The following ANO4 variants were observed in gnomAD, a reference collection of about 807,000 sequenced individuals.
ANO4 encodes anoctamin-4.
In ANO4, 69 loss-of-function variants were observed where a neutral mutation model predicts 141.9. The observed-to-expected ratio is 0.49, with a 90% CI of 0.40 to 0.59. The LOEUF is 0.59. Ranked by LOEUF, ANO4 falls within the 20% of genes least tolerant of loss-of-function variation. The pLI, the probability that ANO4 is intolerant of heterozygous loss-of-function variation, is 0.00. For missense variants in ANO4, 894 were observed against 1,162.2 expected (o/e 0.77, Z 3.36); for synonymous variants, 350 against 394.3 (o/e 0.89, Z 1.33).
intron 21 of ANO4, 121 bp from the exon 22 acceptor site, chr12:101,099,457 T>C (rs1193119771): frequency 1.3e-5 from 12 of 925,552 alleles, no homozygotes; most frequent in Non-Finnish European, 1.9e-5. Context: ...GCTTTATTTC[T>C]TTGATAGCCT....
At chr12:100,900,407 A>G (rs529468052) in intron 1 of ANO4, among the ~76,000 whole-genome samples, 3 of 151,186 alleles carry the variant, frequency 2.0e-5, no homozygotes, top group African/African-American at 7.3e-5. Flanking sequence ...GCACTCATTA[A>G]CTCGTCATTT....
rs116875365 is a variant in ANO4, at chr12:100,937,125, T to C, written c.161-2190T>C. Among the ~76,000 whole-genome samples the C allele has an allele frequency of 3.9e-3, 589 of 152,218 alleles. 2 individuals carry two copies. The highest frequency in any genetic ancestry group is 5.0e-3 in the Non-Finnish European group (337 of 68,008). ...AACCATATGCCAAGTCCCAGAACCA[T>C]AGAATGTTAGAGGAAAAGGGCTCTC... is the stretch of plus-strand genomic sequence containing the variant. On this transcript the variant is annotated intron_variant, in intron 3 of 27. Transcript: ENST00000392977.
chr12:100,877,354 A>G (rs1424960730), intron 1 of ANO4, among the ~76,000 whole-genome samples: 6 of 151,114 alleles, frequency 4.0e-5, no homozygotes, highest in African/African-American at 1.5e-4. Context: ...ATAATATATG[A>G]TATTATATAT....
chr12:101,022,695 G>A (rs1331264519), intron 9 of ANO4, among the ~76,000 whole-genome samples: 2 of 152,068 alleles, frequency 1.3e-5, no homozygotes, highest in African/African-American at 4.8e-5. Context: ...AACTCCAAAT[G>A]GCATCTTCAC....
intron 1 of ANO4, chr12:100,733,679 G>A (rs2031483919): frequency 1.6e-6 from 1 of 620,714 alleles, no homozygotes; most frequent in Admixed American, 2.5e-5. Context: ...TAGACAAGGA[G>A]AGCTGGTTTA....
intron 3 of ANO4, among the ~76,000 whole-genome samples, chr12:100,772,122 A>G (rs978158104): frequency 1.3e-5 from 2 of 152,190 alleles, no homozygotes; most frequent in African/African-American, 4.8e-5. Flanking sequence ...AGGGCCTGTC[A>G]TAGATATAGT....
intron 2 of ANO4, among the ~76,000 whole-genome samples, chr12:100,737,807 A>T (rs1239555957): frequency 6.6e-6 from 1 of 152,142 alleles, no homozygotes; most frequent in Non-Finnish European, 1.5e-5. Flanking sequence ...GTTTTCTTTC[A>T]TTTCTTGTAC....
intron 8 of ANO4, among the ~76,000 whole-genome samples, chr12:101,000,776 G>C (rs1018206098): frequency 1.3e-5 from 2 of 152,192 alleles, no homozygotes; most frequent in African/African-American, 4.8e-5. Flanking sequence ...AAGGGACAAA[G>C]AGGTCACCTA....
chr12:101,021,882 A>T (rs942706070), intron 9 of ANO4, among the ~76,000 whole-genome samples: 8 of 152,104 alleles, frequency 5.3e-5, no homozygotes, highest in Non-Finnish European at 8.8e-5. Flanking sequence ...GTAAAAAATT[A>T]AAAAAATAAT....
chr12:100,744,976 C>G (rs1045247307), intron 3 of ANO4, among the ~76,000 whole-genome samples: 1 of 151,932 alleles, frequency 6.6e-6, no homozygotes, highest in Non-Finnish European at 1.5e-5. Flanking sequence ...TGCTCTTTCT[C>G]TCTCCCTCCC....
intron 1 of ANO4, among the ~76,000 whole-genome samples, chr12:100,814,149 G>A (rs571164132): frequency 1.3e-5 from 2 of 152,050 alleles, no homozygotes; most frequent in East Asian, 1.9e-4. Context: ...TCTCGAAAAC[G>A]GTATACTATA....
Position 101,096,532 on chromosome 12 carries a change from A to G in ANO4, c.1739-4A>G, listed in dbSNP as rs375036981. 37 of 1,611,552 alleles carry G rather than the reference A, an allele frequency of 2.3e-5. No individual in the cohort carries two copies. Among genetic ancestry groups the G allele is most frequent in the Admixed American group, 6.7e-5 (4 of 59,946 alleles). On this transcript the variant is annotated splice_polypyrimidine_tract_variant and splice_region_variant and intron_variant, in intron 18 of 27. Coordinates refer to ENST00000392977, the MANE Select transcript of ANO4 (RefSeq NM_001286615.2). ...TTCAAACTCTGCTCACCTTTTGTCC[A>G]CAGAACAGCCTCGCACAGAGTCTGA...
intron 1 of ANO4, chr12:100,885,631 G>A (rs748812962): frequency 6.6e-6 from 1 of 152,148 alleles, no homozygotes; most frequent in Non-Finnish European, 1.5e-5. Flanking sequence ...TGATTGATGT[G>A]GTGATTACAT....
rs565392179 is a variant in ANO4, at chr12:100,747,334, AT to A, written c.358+7236del. Among the ~76,000 whole-genome samples the A allele has an allele frequency of 1.1e-4, 16 of 152,132 alleles. No individual in the cohort carries two copies. The South Asian group carries it at 2.9e-3, about 28-fold the overall frequency. ...GGGGAATTTTTTTCCAAAGAGGAAGATTTTTTTCCCCCTTAAGACTACAGGT... is the reference window on the plus strand; with the variant it reads ...GGGGAATTTTTTTCCAAAGAGGAAGATTTTTTCCCCCTTAAGACTACAGGT... On this transcript the variant is annotated intron_variant, in intron 3 of 29. Coordinates refer to the ANO4 transcript ENST00000644049.
chr12:101,048,890 G>A (rs1489845249), intron 14 of ANO4, among the ~76,000 whole-genome samples: 1 of 152,166 alleles, frequency 6.6e-6, no homozygotes, highest in African/African-American at 2.4e-5. Context: ...AGGTGTGATG[G>A]AAACAGTCAA....
At chr12:101,112,011 A>G (rs1004650451) in intron 24 of ANO4, among the ~76,000 whole-genome samples, 4 of 152,130 alleles carry the variant, frequency 2.6e-5, no homozygotes, top group Non-Finnish European at 4.4e-5. Flanking sequence ...GCCCACTATG[A>G]ATTTAGAAAT....
At chr12:101,004,596 A>G (rs1389880204) in intron 8 of ANO4, among the ~76,000 whole-genome samples, 1 of 152,200 alleles carries the variant, frequency 6.6e-6, no homozygotes, top group Non-Finnish European at 1.5e-5. Flanking sequence ...CAGAGTCTCT[A>G]TTCTGGCATT....
intron 2 of ANO4, among the ~76,000 whole-genome samples, chr12:100,912,394 AAAAAAAAAAAAAAAAGAAAAAAG>A (rs1294454052): frequency 2.9e-4 from 14 of 48,706 alleles, no homozygotes; most frequent in East Asian, 2.7e-3. Context: ...GACTCTGTCA[AAAAAAAAAAAAAAAAGAAAAAAG>A]AAAAAAAAAA....
chr12:100,868,326 A>G lies in ANO4; in HGVS notation c.-140-33320A>G, dbSNP rs569403509. ...TTGGTGAGAGGCTAAAATCCTTACT[A>G]TGGTGACTGCATTAGGTCCCAGCCC... On this transcript the variant is annotated intron_variant, in intron 1 of 27. Transcript: ENST00000392977. 5.3e-5 allele frequency among the ~76,000 whole-genome samples: 8 copies of G among 152,236 alleles called. No homozygotes were observed. In the South Asian group the frequency reaches 1.2e-3, roughly 24 times the overall value.
Sources: allele counts gnomAD v4.1 joint callset (sites outside exome capture counted in the v4.1 genomes callset), GRCh38; gene constraint gnomAD v4.1.1; transcripts MANE v1.5; gene names NCBI Gene and HGNC (gene_info 2026-07-23, HGNC 2026-07-21).